CFAP300: variants seen among roughly 807,000 people sequenced by gnomAD.
CFAP300 encodes the protein cilia- and flagella-associated protein 300.
A neutral mutation model predicts 33.0 loss-of-function variants in CFAP300; 32 were observed. That is an observed-to-expected ratio of 0.97 (90% CI 0.73 to 1.30). The LOEUF (loss-of-function observed/expected upper bound fraction) is 1.30, where lower values mean the gene tolerates loss of function less well. CFAP300 is among the 50% of genes most tolerant of loss of function. The pLI is 0.00. For synonymous variants in CFAP300, 102 were observed against 106.8 expected (o/e 0.95, Z 0.28); for missense variants, 356 against 318.1 (o/e 1.12, Z -0.90).
chr11:102,050,916 A>C (rs1246134941), intron 2 of CFAP300, among the ~76,000 whole-genome samples: 3 of 152,200 alleles, frequency 2.0e-5, no homozygotes, highest in African/African-American at 7.2e-5. Flanking sequence ...CCTTGGCAGA[A>C]GTGTGGAGGG....
At chr11:102,077,573 A>G (rs1490063935) in intron 5 of CFAP300, among the ~76,000 whole-genome samples, 2 of 152,076 alleles carry the variant, frequency 1.3e-5, no homozygotes, top group African/African-American at 4.8e-5. Flanking sequence ...TTTAAATTTT[A>G]ATCATTTATT....
chr11:102,073,793 T>C (rs1942353331), intron 4 of CFAP300, among the ~76,000 whole-genome samples: 1 of 151,804 alleles, frequency 6.6e-6, no homozygotes, highest in Admixed American at 6.6e-5. Flanking sequence ...CATGCAAGTG[T>C]GTAGTGGCCC....
intron 6 of CFAP300, 56 bp downstream of exon 6, chr11:102,081,337 G>C: frequency 7.1e-7 from 1 of 1,417,988 alleles, no homozygotes; most frequent in Non-Finnish European, 9.9e-7. Flanking sequence ...TATTAATAGA[G>C]TTGTTACAAC....
chr11:102,052,217 C>G lies in CFAP300; in HGVS notation c.192+4321C>G, dbSNP rs368040967. Among the ~76,000 whole-genome samples the G allele has an allele frequency of 2.0e-5, 3 of 152,264 alleles. No homozygotes were observed. In the South Asian group the frequency reaches 6.2e-4, roughly 32 times the overall value. ...CCTGCTGCTCCATTTATAATGACAT[C>G]TAACATGTAACTGTTAAGTTAATAA... On this transcript the variant is annotated intron_variant, in intron 2 of 6. Transcript: ENST00000434758.
intron 4 of CFAP300, among the ~76,000 whole-genome samples, chr11:102,072,980 G>T (rs1942335855): frequency 6.6e-6 from 1 of 152,150 alleles, no homozygotes; most frequent in South Asian, 2.1e-4. Context: ...TTTTGCTGGG[G>T]ACAGGTAGGC....
intron 3 of CFAP300, among the ~76,000 whole-genome samples, chr11:102,064,931 G>A (rs976916765): frequency 9.9e-5 from 15 of 152,170 alleles, no homozygotes; most frequent in African/African-American, 3.1e-4. Flanking sequence ...GATAGGGAAT[G>A]GAGGATGGGG....
chr11:102,055,828 A>G (rs1479255376), intron 2 of CFAP300, among the ~76,000 whole-genome samples: 23 of 151,616 alleles, frequency 1.5e-4, no homozygotes, highest in Non-Finnish European at 2.9e-4. Flanking sequence ...GCCCGCCACC[A>G]CGCCCAGATA....
At chr11:102,076,710 G>A (rs1010054622) in intron 5 of CFAP300, among the ~76,000 whole-genome samples, 17 of 152,084 alleles carry the variant, frequency 1.1e-4, no homozygotes, top group African/African-American at 2.4e-5. Context: ...TACTTTAATA[G>A]GAGAAAACAA....
At position 102,078,560 on chromosome 11, in the gene CFAP300, A is replaced by C. The variant is rs536965008; in HGVS notation, c.608+2515A>C. Among the ~76,000 whole-genome samples the C allele has an allele frequency of 2.0e-5, 3 of 152,320 alleles. No individual in the cohort carries two copies. The East Asian group carries it at 5.8e-4, about 29-fold the overall frequency. ...TACTTTCTTGCTAGGCCTATAAAAAATTAGACAAATTATTTTAGAGATATT... is the reference window on the plus strand; with the variant it reads ...TACTTTCTTGCTAGGCCTATAAAAACTTAGACAAATTATTTTAGAGATATT... On this transcript the variant is annotated intron_variant, in intron 5 of 6. Coordinates refer to ENST00000434758, the MANE Select transcript of CFAP300 (RefSeq NM_032930.3).
intron 2 of CFAP300, among the ~76,000 whole-genome samples, chr11:102,050,330 C>G (rs1941950297): frequency 6.6e-6 from 1 of 152,112 alleles, no homozygotes; most frequent in Non-Finnish European, 1.5e-5. Flanking sequence ...CAAAAACATT[C>G]AACAAAGGGC....
In CFAP300 at chr11:102,066,520, C is replaced by A; in HGVS notation, c.304C>A (p.Pro102Thr). Residue 102 changes from proline (P) to threonine (T), a missense_variant, in exon 4 of 7, where the codon CCT (proline) becomes ACT (threonine). Pro to Thr is a conservative substitution (Grantham distance 38). Transcript: ENST00000434758. ...EVKKIEAINVPCTQLSMSFFH... is the reference protein window; with the variant it reads ...EVKKIEAINVTCTQLSMSFFH... ...GAAAAAAATTGAAGCTATAAATGTT[C>A]CTTGCACACAGCTTTCAATGTCATT... The A allele has an allele frequency of 6.2e-7, 1 of 1,609,594 alleles. No homozygotes were observed. Among genetic ancestry groups the A allele is most frequent in the South Asian group, 1.1e-5 (1 of 89,782 alleles).
In CFAP300 at chr11:102,070,915, G is replaced by A. The variant is rs1309925962; in HGVS notation, c.435+4264G>A. On this transcript the variant is annotated intron_variant, in intron 4 of 6. Coordinates refer to ENST00000434758, the MANE Select transcript of CFAP300 (RefSeq NM_032930.3). The stretch of plus-strand genomic sequence containing the variant: ...CCATTGCAGTATGAGAAGATACTTG[G>A]TATGTTTTCAATTTTTTAAGTGTGT... Among the ~76,000 whole-genome samples, 7 of 152,034 alleles carry A rather than the reference G, an allele frequency of 4.6e-5. No homozygotes were observed. The South Asian group carries it at 8.3e-4, about 18-fold the overall frequency.
intron 4 of CFAP300, among the ~76,000 whole-genome samples, chr11:102,068,844 T>C (rs1942267650): frequency 6.6e-6 from 1 of 152,234 alleles, no homozygotes; most frequent in South Asian, 2.1e-4. Context: ...GATCTCATAT[T>C]AATTTCTACT....
intron 2 of CFAP300, 81 bp downstream of exon 2, chr11:102,047,977 C>G: frequency 7.6e-7 from 1 of 1,323,436 alleles, no homozygotes; most frequent in Non-Finnish European, 1.0e-6. Context: ...TTCTTGTGAA[C>G]ACGCTATTCC....
rs773930289 is a variant in CFAP300 at position 102,075,975 on chromosome 11, C to T, written c.538C>T (p.Leu180Phe). The T allele has an allele frequency of 2.5e-6, 4 of 1,613,804 alleles. No homozygotes were observed. The highest frequency in any genetic ancestry group is 3.4e-6 in the Non-Finnish European group (4 of 1,179,890). ...CAAACATCTTTGCCTTGGTGGAGCCCTTTGTCAATATGAGGATGTGATTAG... is the reference window on the plus strand; with the variant it reads ...CAAACATCTTTGCCTTGGTGGAGCCTTTTGTCAATATGAGGATGTGATTAG... The part of the protein sequence containing the change: ...LFKHLCLGGA[L>F]CQYEDVISPY... Residue 180 changes from leucine to phenylalanine, a missense_variant, in exon 5 of 7, where the codon CTT (leucine) becomes TTT (phenylalanine). Physicochemically the swap from Leu to Phe is conservative, Grantham distance 22. Coordinates refer to ENST00000434758, the MANE Select transcript of CFAP300 (RefSeq NM_032930.3).
intron 3 of CFAP300, among the ~76,000 whole-genome samples, chr11:102,059,281 A>ATGTGTGTG (rs55657614): frequency 2.0e-3 from 303 of 148,670 alleles, no homozygotes; most frequent in Admixed American, 7.9e-3. Flanking sequence ...ATATGTTAAA[A>ATGTGTGTG]TGTGTGTGTG....
chr11:102,082,807 G>A (rs1349288492), intron 6 of CFAP300, among the ~76,000 whole-genome samples: 1 of 152,066 alleles, frequency 6.6e-6, no homozygotes, highest in Admixed American at 6.6e-5. Flanking sequence ...GACTAGCCTG[G>A]CTAAGATGCT....
intron 3 of CFAP300, 151 bp downstream of exon 3, chr11:102,059,106 G>C: frequency 5.7e-6 from 3 of 526,972 alleles, no homozygotes; most frequent in Middle Eastern, 8.4e-4. Flanking sequence ...GACCTGCCCT[G>C]CATCTCTTTC....
intron 4 of CFAP300, among the ~76,000 whole-genome samples, chr11:102,069,678 C>T (rs958740829): frequency 6.6e-6 from 1 of 152,044 alleles, no homozygotes; most frequent in African/African-American, 2.4e-5. Context: ...TGGCATGCGC[C>T]TGTAATCCCA....
Sources: gnomAD v4.1 joint callset for allele counts (sites outside exome capture counted in the v4.1 genomes callset) on GRCh38, gnomAD v4.1.1 for gene constraint, MANE v1.5 for transcripts, NCBI Gene and HGNC (gene_info 2026-07-23, HGNC 2026-07-21) for gene names.